Variants in KDM3B observed in about 807,000 individuals in gnomAD.
The protein encoded by KDM3B is lysine-specific demethylase 3B.
KDM3B carries 10 observed loss-of-function variants against 170.0 expected under a neutral mutation model. The ratio of observed to expected loss-of-function variants is 0.06; its 90% CI spans 0.04 to 0.10. The LOEUF is 0.10. Among genes scored for constraint, KDM3B ranks in the 10% least tolerant of loss-of-function variants. KDM3B has a pLI of 1.00. For synonymous variants in KDM3B, 831 were observed against 834.8 expected, an observed-to-expected ratio of 1.00 and a Z score of 0.08; for missense variants, 1,394 against 2,195.2, an observed-to-expected ratio of 0.64 and a Z score of 7.29.
intron 11 of KDM3B, 95 bp downstream of exon 11, chr5:138,400,107 G>T (rs1762645061): frequency 7.8e-7 from 1 of 1,278,408 alleles, no homozygotes. Flanking sequence ...ATGGGCTTAT[G>T]CCTCTCTTTA....
At position 138,404,626 on chromosome 5, in the gene KDM3B, T is replaced by TG. The variant is rs1554129711; in HGVS notation, c.3199+4614_3199+4615insG. Among the ~76,000 whole-genome samples the TG allele has an allele frequency of 5.6e-5, 8 of 142,504 alleles. No homozygotes were observed. In the East Asian group the frequency reaches 1.4e-3, roughly 26 times the overall value. 93.5% of individuals were successfully genotyped at this position (142,504 alleles called of 152,430 possible). A position where few individuals can be genotyped will look rare whatever the true frequency, so the allele number is the denominator to read the frequency against. ...TGGGCAGCAAGAGCAAAACTCCATC[T>TG]AAAAAAAAAAAAACAAAAGAATGAC... is the stretch of plus-strand genomic sequence containing the variant. On this transcript the variant is annotated intron_variant, in intron 11 of 23. Transcript: ENST00000314358.
In KDM3B at chr5:138,352,942, C is replaced by G. The variant is rs1342194341; in HGVS notation, c.147C>G (p.Ala49=). 3 of 1,294,396 alleles carry G rather than the reference C, an allele frequency of 2.3e-6. No homozygotes were observed. Among genetic ancestry groups the G allele is most frequent in the Non-Finnish European group, 2.9e-6 (3 of 1,025,008 alleles). 80.2% of individuals were successfully genotyped at this position (1,294,396 alleles called of 1,614,324 possible). ...GPALRTRAWR[A]GTVRAMSGAV... is the part of the protein sequence containing the mutation. ...CGCTGCGCACTCGAGCCTGGCGGGC[C>G]GGCACGGTGCGGGCCATGAGCGGGG... Residue 49 remains alanine (A), a synonymous_variant, in exon 1 of 24, where the codon GCC becomes GCG. Transcript: ENST00000314358.
chr5:138,427,164 A>C, intron 18 of KDM3B, 25 bp from the exon 19 acceptor site: 1 of 1,607,814 alleles, frequency 6.2e-7, no homozygotes, highest in Non-Finnish European at 8.5e-7. Flanking sequence ...TAACAAGCTA[A>C]GTCATCTTTC....
intron 23 of KDM3B, among the ~76,000 whole-genome samples, chr5:138,435,257 T>A (rs898210220): frequency 2.0e-5 from 3 of 152,220 alleles, no homozygotes; most frequent in Admixed American, 2.0e-4. Context: ...AGGTGTTCAC[T>A]GTGGCCTTAG....
intron 6 of KDM3B, among the ~76,000 whole-genome samples, chr5:138,382,517 T>C (rs1762151980): frequency 6.6e-6 from 1 of 152,174 alleles, no homozygotes; most frequent in Non-Finnish European, 1.5e-5. Context: ...GTGAATTTCC[T>C]TCAGTTGACC....
chr5:138,372,565 A>G, intron 1 of KDM3B, 109 bp from the exon 2 acceptor site: 1 of 917,342 alleles, frequency 1.1e-6, no homozygotes, highest in Non-Finnish European at 1.7e-6. Context: ...AACACAAGTT[A>G]GAATTATTCC....
intron 20 of KDM3B, 66 bp from the exon 21 acceptor site, chr5:138,429,760 A>G: frequency 6.5e-7 from 1 of 1,544,428 alleles, no homozygotes; most frequent in Non-Finnish European, 8.9e-7. Context: ...TAAATTGGAC[A>G]TTTCATTTCA....
At chr5:138,390,499 A>G (rs1211121217) in intron 7 of KDM3B, among the ~76,000 whole-genome samples, 1 of 152,230 alleles carries the variant, frequency 6.6e-6, no homozygotes, top group Non-Finnish European at 1.5e-5. Context: ...ACTTTTCTTT[A>G]ACGTGCAGTA....
chr5:138,372,130 A>G (rs914412485), intron 1 of KDM3B, among the ~76,000 whole-genome samples: 2 of 152,184 alleles, frequency 1.3e-5, no homozygotes, highest in African/African-American at 2.4e-5. Context: ...CAATCAGTCA[A>G]TAGAATCCAC....
chr5:138,415,232 T>C lies in KDM3B; in HGVS notation c.3300T>C (p.Pro1100=). The change falls in exon 12 of 24, where the codon CCT becomes CCC. Residue 1100 remains proline, a synonymous_variant. Coordinates refer to ENST00000314358, the MANE Select transcript of KDM3B (RefSeq NM_016604.4). ...ATCTCATGCCCACACAAATTATTCC[T>C]GGCACAGGTAAGGAAATTCCTTTTT... The part of the protein sequence containing the change: ...PENLMPTQII[P]GTALYNIGDM... 1 of 1,598,536 alleles carries C rather than the reference T, an allele frequency of 6.3e-7. No individual in the cohort carries two copies. Among genetic ancestry groups the C allele is most frequent in the Non-Finnish European group, 8.6e-7 (1 of 1,167,842 alleles).
chr5:138,358,359 C>T (rs1458372360), intron 1 of KDM3B, among the ~76,000 whole-genome samples: 3 of 133,614 alleles, frequency 2.2e-5, no homozygotes, highest in East Asian at 2.4e-4. Context: ...GGCTGGAGTG[C>T]AGTGGCGCGA....
At chr5:138,356,613 A>ATTTTGTT (rs1331313510) in intron 1 of KDM3B, among the ~76,000 whole-genome samples, 1 of 96,616 alleles carries the variant, frequency 1.0e-5, no homozygotes, top group African/African-American at 3.8e-5. Context: ...AGTGGGTTGT[A>ATTTTGTT]TTTTGTTTCA....
intron 9 of KDM3B, among the ~76,000 whole-genome samples, chr5:138,395,010 T>C (rs552778996): frequency 2.0e-4 from 30 of 152,316 alleles, no homozygotes; most frequent in African/African-American, 5.1e-4. Context: ...GTTCTAGATA[T>C]GTCTTTTGGC....
chr5:138,400,244 G>T (rs1010087784), intron 11 of KDM3B, among the ~76,000 whole-genome samples: 50 of 150,092 alleles, frequency 3.3e-4, no homozygotes, highest in African/African-American at 1.0e-3. Flanking sequence ...TTTTGTTTTT[G>T]TTTTTTTTAA....
intron 6 of KDM3B, among the ~76,000 whole-genome samples, chr5:138,385,302 ATG>A (rs1401810034): frequency 6.6e-6 from 1 of 152,160 alleles, no homozygotes; most frequent in African/African-American, 2.4e-5. Context: ...GATTACAGGC[ATG>A]AGCCAACACG....
chr5:138,369,374 A>G (rs1761819522), intron 1 of KDM3B, among the ~76,000 whole-genome samples: 1 of 152,154 alleles, frequency 6.6e-6, no homozygotes, highest in African/African-American at 2.4e-5. Flanking sequence ...GCTTTGTGAT[A>G]GGGCTCTTGG....
chr5:138,369,147 A>G (rs924908636), intron 1 of KDM3B, among the ~76,000 whole-genome samples: 2 of 152,122 alleles, frequency 1.3e-5, no homozygotes, highest in African/African-American at 4.8e-5. Context: ...TTTTCTGAGG[A>G]CACCTGGTAG....
intron 11 of KDM3B, among the ~76,000 whole-genome samples, chr5:138,414,061 A>G (rs904120182): frequency 2.6e-5 from 4 of 152,244 alleles, no homozygotes; most frequent in African/African-American, 9.6e-5. Context: ...TAATACACAC[A>G]ACAATATAGA....
At chr5:138,428,833 A>T (rs113740688) in intron 20 of KDM3B, among the ~76,000 whole-genome samples, 2,319 of 152,224 alleles carry the variant, frequency 0.015, 67 homozygotes, top group African/African-American at 0.052. Context: ...ACTTCCTGCC[A>T]TCTCAGTGTT....
Sources: gnomAD v4.1 joint callset for allele counts (sites outside exome capture counted in the v4.1 genomes callset) on GRCh38, gnomAD v4.1.1 for gene constraint, MANE v1.5 for transcripts, NCBI Gene and HGNC (gene_info 2026-07-23, HGNC 2026-07-21) for gene names.